The following ANKRD22 variants were observed in gnomAD, a reference collection of about 807,000 sequenced individuals.
ANKRD22 encodes ankyrin repeat domain 22.
ANKRD22 carries 24 observed loss-of-function variants against 25.7 expected under a neutral mutation model. That is an observed-to-expected ratio of 0.93 (90% CI 0.68 to 1.31). ANKRD22 has a LOEUF of 1.31. Among genes scored for constraint, ANKRD22 ranks in the 50% most tolerant of loss-of-function variants. The pLI, the probability that ANKRD22 is intolerant of heterozygous loss-of-function variation, is 0.00. For synonymous variants in ANKRD22, 84 were observed against 84.3 expected (o/e 1.00, Z 0.02); for missense variants, 214 against 227.1 (o/e 0.94, Z 0.37).
rs892626710 is a variant in ANKRD22, at chr10:88,821,106, T to A, written c.*1835A>T. ...GTTTATGAGTTCTCCAATAAATGCA[T>A]TCTGCATTACATAAAGCATGTATGT... On this transcript the variant is annotated 3_prime_UTR_variant, in exon 6 of 6. Coordinates refer to ENST00000371930, the MANE Select transcript of ANKRD22 (RefSeq NM_144590.3). 6.6e-6 allele frequency among the ~76,000 whole-genome samples: 1 copy of A among 152,256 alleles called. No homozygotes were observed. Among genetic ancestry groups the A allele is most frequent in the African/African-American group, 2.4e-5 (1 of 41,472 alleles).
intron 1 of ANKRD22, among the ~76,000 whole-genome samples, chr10:88,842,057 G>A (rs948819518): frequency 6.6e-6 from 1 of 152,108 alleles, no homozygotes; most frequent in Admixed American, 6.6e-5. Flanking sequence ...AAGGGCCCAG[G>A]ATTTGAACTC....
rs771803296 is a variant in ANKRD22 at position 88,825,009 on chromosome 10, T to TCA, written c.399+1028_399+1029insTG. 7.4e-3 allele frequency among the ~76,000 whole-genome samples: 989 copies of TCA among 132,852 alleles called. 5 individuals carry two copies. Among genetic ancestry groups the TCA allele is most frequent in the African/African-American group, 0.025 (905 of 35,692 alleles). The allele number at this position is 132,852 out of a possible 152,430, so 87.2% of individuals were successfully genotyped here. On this transcript the variant is annotated intron_variant, in intron 4 of 5. Coordinates refer to ENST00000371930, the MANE Select transcript of ANKRD22 (RefSeq NM_144590.3). ...TGCTCTCTCTCTCTCTCTCTCTCTC[T>TCA]CTCACACACACACACACACACACAC...
chr10:88,845,889 C>T (rs2133082018), intron 1 of ANKRD22, among the ~76,000 whole-genome samples: 1 of 152,188 alleles, frequency 6.6e-6, no homozygotes, highest in Non-Finnish European at 1.5e-5. Context: ...TGCATAAAAT[C>T]TAAATTTTTC....
intron 1 of ANKRD22, among the ~76,000 whole-genome samples, chr10:88,840,681 T>C (rs192251751): frequency 4.9e-4 from 75 of 152,288 alleles, no homozygotes; most frequent in African/African-American, 1.7e-3. Context: ...GTAAAGAGCC[T>C]TGTGATTCAC....
Position 88,822,550 on chromosome 10 carries a change from T to TTTTTTTTTTTTTTTTTTTTTTTA in ANKRD22, c.*390_*391insTAAAAAAAAAAAAAAAAAAAAAA, listed in dbSNP as rs1843810015. On this transcript the variant is annotated 3_prime_UTR_variant, in exon 6 of 6. Transcript: ENST00000371930. ...TGAGTTTGGAACACCAGGGCTTTTT[T>TTTTTTTTTTTTTTTTTTTTTTTA]TTTTTTTTTTTTTTTTGAGACAGGG... 2.0e-5 allele frequency: 2 copies of TTTTTTTTTTTTTTTTTTTTTTTA among 101,182 alleles called. No individual in the cohort carries two copies. Among genetic ancestry groups the TTTTTTTTTTTTTTTTTTTTTTTA allele is most frequent in the Non-Finnish European group, 3.7e-5 (2 of 53,800 alleles). The allele number at this position is 101,182 out of a possible 1,614,324, so 6.3% of individuals were successfully genotyped here.
At position 88,820,415 on chromosome 10, in the gene ANKRD22, C is replaced by T. The variant is rs1180011665; in HGVS notation, c.*2526G>A. On this transcript the variant is annotated 3_prime_UTR_variant, in exon 6 of 6. Transcript: ENST00000371930. Reference sequence around the variant, plus strand: ...GGATTTCATCTGGGGTTTGGATGCTCCTCACCGTATGTACAATGAAATCAT... The same window carrying T: ...GGATTTCATCTGGGGTTTGGATGCTTCTCACCGTATGTACAATGAAATCAT... 6 of 1,552,126 alleles carry T rather than the reference C, an allele frequency of 3.9e-6. No individual in the cohort carries two copies. The South Asian group carries it at 7.1e-5, about 18-fold the overall frequency.
At chr10:88,828,829 G>A (rs1328424917) in intron 2 of ANKRD22, among the ~76,000 whole-genome samples, 163 bp from the exon 3 acceptor site, 2 of 152,286 alleles carry the variant, frequency 1.3e-5, no homozygotes, top group Middle Eastern at 3.4e-3. Flanking sequence ...TTTCCATGGA[G>A]CAGAACAGAG....
Position 88,820,612 on chromosome 10 carries a change from CA to C in ANKRD22, c.*2328del. 1 of 1,047,570 alleles carries C rather than the reference CA, an allele frequency of 9.5e-7. No individual in the cohort carries two copies. The highest frequency in any genetic ancestry group is 1.3e-6 in the Non-Finnish European group (1 of 746,388). The allele number at this position is 1,047,570 out of a possible 1,614,324, so 64.9% of individuals were successfully genotyped here. A position where few individuals can be genotyped will look rare whatever the true frequency, so the allele number is the denominator to read the frequency against. ...TAGTATACATTTTTCAGATTCCCTG[CA>C]CTTGGCACTAAATCCGACACTTACA... On this transcript the variant is annotated 3_prime_UTR_variant, in exon 6 of 6. Coordinates refer to ENST00000371930, the MANE Select transcript of ANKRD22 (RefSeq NM_144590.3).
At chr10:88,844,250 G>A (rs1009405382) in intron 1 of ANKRD22, among the ~76,000 whole-genome samples, 27 of 152,164 alleles carry the variant, frequency 1.8e-4, no homozygotes, top group African/African-American at 6.0e-4. Flanking sequence ...GGCTGCATGA[G>A]CAAGGGGAGT....
chr10:88,842,673 G>A (rs1345605974), intron 1 of ANKRD22, among the ~76,000 whole-genome samples: 2 of 152,052 alleles, frequency 1.3e-5, no homozygotes, highest in African/African-American at 4.8e-5. Context: ...CATCTGCAGA[G>A]TTAACAAAAT....
chr10:88,845,308 CTACAA>C (rs1213868928), intron 1 of ANKRD22, among the ~76,000 whole-genome samples: 2 of 152,080 alleles, frequency 1.3e-5, no homozygotes, highest in African/African-American at 4.8e-5. Context: ...CCATACCTTC[CTACAA>C]TGACCTGGTA....
intron 1 of ANKRD22, among the ~76,000 whole-genome samples, chr10:88,847,555 G>A (rs1168344325): frequency 6.6e-6 from 1 of 151,946 alleles, no homozygotes; most frequent in Non-Finnish European, 1.5e-5. Context: ...CACTGCGCCT[G>A]GCCTCAACAC....
At chr10:88,834,943 A>G (rs895667219) in intron 1 of ANKRD22, among the ~76,000 whole-genome samples, 2 of 151,492 alleles carry the variant, frequency 1.3e-5, no homozygotes, top group African/African-American at 2.5e-5. Flanking sequence ...AAAGAAAAAA[A>G]AAGAAAGAAA....
At chr10:88,843,985 C>T (rs529779820) in intron 1 of ANKRD22, among the ~76,000 whole-genome samples, 1 of 152,194 alleles carries the variant, frequency 6.6e-6, no homozygotes, top group Admixed American at 6.6e-5. Context: ...TTTCATCTAA[C>T]AAACCCGACA....
At chr10:88,827,524 CA>C (rs1003318711) in intron 3 of ANKRD22, among the ~76,000 whole-genome samples, 1 of 152,140 alleles carries the variant, frequency 6.6e-6, no homozygotes, top group African/African-American at 2.4e-5. Flanking sequence ...TCCCTGCCCC[CA>C]AAATACATGT....
At chr10:88,830,670 A>C (rs928961878) in intron 2 of ANKRD22, among the ~76,000 whole-genome samples, 2 of 152,264 alleles carry the variant, frequency 1.3e-5, no homozygotes, top group African/African-American at 4.8e-5. Context: ...TTATGATACC[A>C]GAAAATCCCA....
intron 1 of ANKRD22, among the ~76,000 whole-genome samples, chr10:88,842,078 A>T (rs1024873479): frequency 1.3e-5 from 2 of 152,174 alleles, no homozygotes; most frequent in African/African-American, 2.4e-5. Flanking sequence ...TCAGCAGCCA[A>T]TGTCTCTAAA....
intron 1 of ANKRD22, among the ~76,000 whole-genome samples, chr10:88,839,602 C>T (rs559224866): frequency 6.6e-6 from 1 of 152,222 alleles, no homozygotes; most frequent in Non-Finnish European, 1.5e-5. Flanking sequence ...GCTCATTGGC[C>T]TTAAATGAGC....
chr10:88,850,686 T>G (rs1344090587), intron 1 of ANKRD22, among the ~76,000 whole-genome samples: 2 of 152,190 alleles, frequency 1.3e-5, no homozygotes, highest in East Asian at 3.9e-4. Flanking sequence ...TTCATGTATA[T>G]GATCCCTTCA....
Sources: allele counts gnomAD v4.1 joint callset (sites outside exome capture counted in the v4.1 genomes callset), GRCh38; gene constraint gnomAD v4.1.1; transcripts MANE v1.5; gene names NCBI Gene and HGNC (gene_info 2026-07-23, HGNC 2026-07-21).